Variants in NCOR1 observed in about 807,000 individuals in gnomAD.
The protein encoded by NCOR1 is protein phosphatase 1, regulatory subunit 109.
NCOR1 carries 63 observed loss-of-function variants against 288.1 expected under a neutral mutation model. That is an observed-to-expected ratio of 0.22 (90% CI 0.18 to 0.27). NCOR1 has a LOEUF of 0.27. Ranked by LOEUF, NCOR1 falls within the 10% of genes least tolerant of loss-of-function variation. The pLI is 1.00. For missense variants in NCOR1, 2,397 were observed against 3,019.2 expected, an observed-to-expected ratio of 0.79 and a Z score of 4.83; for synonymous variants, 1,007 against 1,065.9, an observed-to-expected ratio of 0.94 and a Z score of 1.08.
At chr17:16,193,205 G>GTA (rs142499779) in intron 2 of NCOR1, among the ~76,000 whole-genome samples, 4 of 152,018 alleles carry the variant, frequency 2.6e-5, no homozygotes, top group East Asian at 3.9e-4. Flanking sequence ...AGATATATGT[G>GTA]TATATATATA....
chr17:16,083,266 T>C (rs1161338842), intron 23 of NCOR1, among the ~76,000 whole-genome samples: 1 of 150,018 alleles, frequency 6.7e-6, no homozygotes, highest in African/African-American at 2.5e-5. Flanking sequence ...TCCTAGCCAC[T>C]CGGAAGGCTG....
intron 35 of NCOR1, 87 bp downstream of exon 35, chr17:16,063,981 C>A: frequency 7.0e-7 from 1 of 1,430,682 alleles, no homozygotes; most frequent in Non-Finnish European, 9.3e-7. Context: ...TTGTTTCCAT[C>A]AAAACTTTTT....
At chr17:16,103,684 T>C (rs1183870854) in intron 19 of NCOR1, among the ~76,000 whole-genome samples, 1 of 152,212 alleles carries the variant, frequency 6.6e-6, no homozygotes, top group African/African-American at 2.4e-5. Context: ...TTCACCTACT[T>C]TTCCTTTGGT....
At chr17:16,098,580 T>C in intron 20 of NCOR1, 84 bp from the exon 21 acceptor site, 1 of 1,236,026 alleles carries the variant, frequency 8.1e-7, no homozygotes. Flanking sequence ...TCTAAGTTAG[T>C]ATGTACATAC....
chr17:16,200,613 T>A (rs2090661248), intron 1 of NCOR1, among the ~76,000 whole-genome samples: 1 of 149,110 alleles, frequency 6.7e-6, no homozygotes, highest in African/African-American at 2.5e-5. Flanking sequence ...AGGTGAAGCC[T>A]ACATTTCACC....
At position 16,061,710 on chromosome 17, in the gene NCOR1, C is replaced by G. The variant is rs765755416; in HGVS notation, c.5572G>C (p.Ala1858Pro). 10 of 1,614,118 alleles carry G rather than the reference C, an allele frequency of 6.2e-6. No individual in the cohort carries two copies. Among genetic ancestry groups the G allele is most frequent in the Admixed American group, 1.7e-5 (1 of 60,010 alleles). Residue 1858 changes from alanine (A) to proline (P), a missense_variant, in exon 37 of 46, where the codon GCA becomes CCA. Ala to Pro is a conservative substitution (Grantham distance 27). This residue lies in a region of NCOR1 where 1,872 missense variants were observed against 2,187.8 expected (regional missense o/e 0.86). Transcript: ENST00000268712. Reference sequence around the variant, plus strand: ...AGCTGCTGCTGTTCACTAACTGCTGCTGACCTGCTTCTCAAATTTTCTTCT... The same window carrying G: ...AGCTGCTGCTGTTCACTAACTGCTGGTGACCTGCTTCTCAAATTTTCTTCT... ...RLEENLRSRS[A>P]AVSEQQQLEQ... is the part of the protein sequence containing the mutation.
At chr17:16,090,004 A>C (rs912068043) in intron 22 of NCOR1, among the ~76,000 whole-genome samples, 5 of 152,158 alleles carry the variant, frequency 3.3e-5, no homozygotes, top group African/African-American at 1.2e-4. Context: ...ATTTGATTTT[A>C]AGATGACTGA....
chr17:16,071,242 G>A lies in NCOR1; in HGVS notation c.4152+167C>T, dbSNP rs373773501. On this transcript the variant is annotated intron_variant, in intron 30 of 45. Coordinates refer to ENST00000268712, the MANE Select transcript of NCOR1 (RefSeq NM_006311.4). ...ATATAGTGAGCTGTGATCACACACC[G>A]CACTCCAGCCTGGTCCACAGAGGAA... is the stretch of plus-strand genomic sequence containing the variant. 6.0e-4 allele frequency among the ~76,000 whole-genome samples: 90 copies of A among 151,126 alleles called. 1 individual carries two copies. Among genetic ancestry groups the A allele is most frequent in the South Asian group, 8.4e-4 (4 of 4,778 alleles).
intron 6 of NCOR1, among the ~76,000 whole-genome samples, chr17:16,154,945 A>G (rs916339820): frequency 6.6e-6 from 1 of 152,196 alleles, no homozygotes; most frequent in Non-Finnish European, 1.5e-5. Flanking sequence ...AGAGAACTGG[A>G]TAATTCCTAG....
At chr17:16,212,168 G>A (rs1324189676) in intron 1 of NCOR1, among the ~76,000 whole-genome samples, 1 of 152,026 alleles carries the variant, frequency 6.6e-6, no homozygotes, top group East Asian at 1.9e-4. Flanking sequence ...AGGAGGCTGA[G>A]GCAGGAGAAT....
At chr17:16,076,371 A>G (rs774104721) in intron 26 of NCOR1, among the ~76,000 whole-genome samples, 14 of 152,242 alleles carry the variant, frequency 9.2e-5, no homozygotes, top group Non-Finnish European at 2.1e-4. Context: ...CATACAGTGC[A>G]GTGGTGGTTC....
chr17:16,134,775 G>A (rs139489482), intron 14 of NCOR1, among the ~76,000 whole-genome samples: 2 of 152,300 alleles, frequency 1.3e-5, no homozygotes, highest in African/African-American at 4.8e-5. Context: ...TTACGTTAAT[G>A]TAGGACTGAA....
chr17:16,127,809 A>G (rs1356425605), intron 14 of NCOR1, among the ~76,000 whole-genome samples: 1 of 151,488 alleles, frequency 6.6e-6, no homozygotes, highest in Non-Finnish European at 1.5e-5. Flanking sequence ...TCAAGCATCC[A>G]CTGGGAGTGT....
intron 1 of NCOR1, among the ~76,000 whole-genome samples, chr17:16,209,755 C>G (rs899017551): frequency 1.1e-4 from 16 of 151,632 alleles, no homozygotes; most frequent in African/African-American, 3.9e-4. Context: ...AGTTCAAGAT[C>G]AGCCTGGCCA....
chr17:16,153,348 T>C lies in NCOR1; in HGVS notation c.780A>G (p.Lys260=). 1 of 1,594,246 alleles carries C rather than the reference T, an allele frequency of 6.3e-7. No homozygotes were observed. The highest frequency in any genetic ancestry group is 8.5e-7 in the Non-Finnish European group (1 of 1,170,762). The change falls in exon 7 of 46, where the codon AAA becomes AAG. Residue 260 remains lysine (K), a synonymous_variant. Coordinates refer to ENST00000268712, the MANE Select transcript of NCOR1 (RefSeq NM_006311.4). ...AHKIFEGLGP[K]VELPLYNQPS... is the part of the protein sequence containing the mutation. ...GAAAAAATTTACTTACCAGTTCAACTTTTGGGCCAAGACCTTCAAAAATTT... is the reference window on the plus strand; with the variant it reads ...GAAAAAATTTACTTACCAGTTCAACCTTTGGGCCAAGACCTTCAAAAATTT...
chr17:16,167,657 C>T (rs560930382), intron 4 of NCOR1, among the ~76,000 whole-genome samples: 10 of 151,756 alleles, frequency 6.6e-5, no homozygotes, highest in African/African-American at 1.7e-4. Context: ...GTCAGGAGTT[C>T]GAGACCAGCC....
chr17:16,143,298 C>A (rs570173701), intron 11 of NCOR1, among the ~76,000 whole-genome samples: 2 of 152,320 alleles, frequency 1.3e-5, no homozygotes, highest in South Asian at 2.1e-4. Flanking sequence ...GTCCATTCTA[C>A]CTTTCTATTA....
intron 11 of NCOR1, 90 bp downstream of exon 11, chr17:16,143,516 A>T: frequency 1.0e-6 from 1 of 970,904 alleles, no homozygotes. Flanking sequence ...TTAAGTTCCC[A>T]CATTTACATA....
intron 3 of NCOR1, among the ~76,000 whole-genome samples, chr17:16,172,722 A>G (rs1265409238): frequency 1.3e-5 from 2 of 152,204 alleles, no homozygotes; most frequent in Non-Finnish European, 2.9e-5. Context: ...CCCTAAATAC[A>G]TGACTTGAAG....
Sources: allele counts gnomAD v4.1 joint callset (sites outside exome capture counted in the v4.1 genomes callset), GRCh38; gene constraint gnomAD v4.1.1; regional missense constraint gnomAD v4.1.1; transcripts MANE v1.5; gene names NCBI Gene and HGNC (gene_info 2026-07-23, HGNC 2026-07-21).